The following KCP variants were observed in gnomAD, a reference collection of about 807,000 sequenced individuals.
KCP encodes kielin/chordin-like protein.
Under a neutral mutation model 212.7 loss-of-function variants are expected in KCP, and 194 were observed. The observed-to-expected ratio is 0.91, with a 90% CI of 0.81 to 1.03. The LOEUF (loss-of-function observed/expected upper bound fraction) is 1.03. Ranked by LOEUF, KCP falls within the 50% of genes least tolerant of loss-of-function variation. KCP has a pLI of 0.00. For missense variants in KCP, 2,080 were observed against 2,162.5 expected (o/e 0.96, Z 0.76); for synonymous variants, 833 against 865.3 (o/e 0.96, Z 0.65).
At chr7:128,907,205 A>G in intron 3 of KCP, 28 bp from the exon 4 acceptor site, 3 of 1,546,260 alleles carry the variant, frequency 1.9e-6, no homozygotes, top group Non-Finnish European at 2.6e-6. Flanking sequence ...TCACTCAAGC[A>G]CCCCATGCCA....
intron 7 of KCP, 178 bp from the exon 8 acceptor site, chr7:128,903,037 A>C: frequency 1.6e-6 from 1 of 615,134 alleles, no homozygotes; most frequent in South Asian, 1.9e-5. Context: ...AGGCAGGGTG[A>C]GGCCTCAGTT....
chr7:128,890,913 G>T lies in KCP; in HGVS notation c.2156C>A (p.Ser719Tyr). Residue 719 changes from serine (S) to tyrosine (Y), a missense_variant, in exon 20 of 40, where the codon TCC (serine) becomes TAC (tyrosine). Coordinates refer to ENST00000610776, the MANE Select transcript of KCP (RefSeq NM_001366122.1). Reference protein sequence around the residue: ...AHPRQGPCCPSCDGCLYQGKE... With the variant: ...AHPRQGPCCPYCDGCLYQGKE... The stretch of plus-strand genomic sequence containing the variant: ...CACCGCCAGGGCGTTACCGTCGCAG[G>T]AGGGGCAGCAAGGCCCCTGGCGCGG... 8.0e-7 allele frequency: 1 copy of T among 1,247,092 alleles called. No individual in the cohort carries two copies. The allele number at this position is 1,247,092 out of a possible 1,614,324, so 77.3% of individuals were successfully genotyped here.
At chr7:128,888,565 C>T (rs1455259714) in intron 22 of KCP, among the ~76,000 whole-genome samples, 1 of 151,724 alleles carries the variant, frequency 6.6e-6, no homozygotes, top group East Asian at 1.9e-4. Flanking sequence ...TACATACACA[C>T]ACATATACAC....
At chr7:128,880,346 C>T in intron 34 of KCP, 40 bp downstream of exon 34, 2 of 1,485,252 alleles carry the variant, frequency 1.3e-6, no homozygotes, top group Non-Finnish European at 1.8e-6. Context: ...CATGTGCCCC[C>T]ACCCTGACCC....
At chr7:128,907,602 A>G (rs1795192282) in intron 2 of KCP, 149 bp from the exon 3 acceptor site, 1 of 515,226 alleles carries the variant, frequency 1.9e-6, no homozygotes, top group Non-Finnish European at 3.2e-6. Flanking sequence ...CATCCAGCTC[A>G]AACGATCACC....
chr7:128,903,606 A>G (rs1434138203), intron 7 of KCP, 121 bp downstream of exon 7: 2 of 731,522 alleles, frequency 2.7e-6, no homozygotes, highest in Non-Finnish European at 4.5e-6. Flanking sequence ...ATTTGAGCTC[A>G]GGCATTCCAG....
At chr7:128,887,174 A>G (rs1273082061) in intron 23 of KCP, 41 bp downstream of exon 23, 11 of 1,509,878 alleles carry the variant, frequency 7.3e-6, no homozygotes, top group East Asian at 2.5e-5. Context: ...AGGAGTATCA[A>G]GGGAGGAAAG....
At position 128,887,253 on chromosome 7, in the gene KCP, C is replaced by A; in HGVS notation, c.2560G>T (p.Asp854Tyr). ...AGGGAGCAGGTAGGGTCAAGTGGGTCAGGAAGGGTCTCTCCGGAGGCAGTA... is the reference window on the plus strand; with the variant it reads ...AGGGAGCAGGTAGGGTCAAGTGGGTAAGGAAGGGTCTCTCCGGAGGCAGTA... ...VTTASGETLPDPLDPTCSLCT... is the reference protein window; with the variant it reads ...VTTASGETLPYPLDPTCSLCT... The change falls in exon 23 of 40, where the codon GAC becomes TAC. Residue 854 changes from aspartate to tyrosine, a missense_variant. Physicochemically the swap from Asp to Tyr is radical, Grantham distance 160. Transcript: ENST00000610776. The A allele has an allele frequency of 6.4e-7, 1 of 1,551,422 alleles. No individual in the cohort carries two copies. The highest frequency in any genetic ancestry group is 1.2e-5 in the South Asian group (1 of 84,062).
At chr7:128,905,305 T>C in intron 5 of KCP, among the ~76,000 whole-genome samples, 1 of 152,238 alleles carries the variant, frequency 6.6e-6, no homozygotes, top group Non-Finnish European at 1.5e-5. Flanking sequence ...ATGCCGTTTA[T>C]TGAAATTAAG....
chr7:128,892,277 G>A (rs925825274), intron 16 of KCP, among the ~76,000 whole-genome samples: 1 of 152,126 alleles, frequency 6.6e-6, no homozygotes, highest in South Asian at 2.1e-4. Context: ...GTAGTTACTA[G>A]AAGAGGAAAT....
chr7:128,887,917 A>C (rs1222321257), intron 22 of KCP, among the ~76,000 whole-genome samples: 2 of 150,262 alleles, frequency 1.3e-5, no homozygotes, highest in Non-Finnish European at 3.0e-5. Context: ...ATACACACCC[A>C]CACACACAGC....
intron 8 of KCP, among the ~76,000 whole-genome samples, chr7:128,895,310 G>A (rs927896419): frequency 2.0e-5 from 3 of 152,212 alleles, no homozygotes; most frequent in Non-Finnish European, 2.9e-5. Context: ...CTTGTTGTGG[G>A]ATGAAAGGAA....
In KCP at chr7:128,886,721, G is replaced by A. The variant is rs1217011519; in HGVS notation, c.2706C>T (p.Gly902=). The A allele has an allele frequency of 6.4e-7, 1 of 1,551,488 alleles. No individual in the cohort carries two copies. Among genetic ancestry groups the A allele is most frequent in the Non-Finnish European group, 8.7e-7 (1 of 1,146,916 alleles). ...CPVCHSCLSQ[G]REHQDGEEFE... is the part of the protein sequence containing the mutation. ...ACTCCTCCCCATCCTGGTGCTCCCGGCCCTGAGAGAGACAGCCTGTGGGGG... is the reference window on the plus strand; with the variant it reads ...ACTCCTCCCCATCCTGGTGCTCCCGACCCTGAGAGAGACAGCCTGTGGGGG... The change falls in exon 25 of 40, where the codon GGC becomes GGT. Residue 902 remains glycine, a synonymous_variant. Coordinates refer to ENST00000610776, the MANE Select transcript of KCP (RefSeq NM_001366122.1).
chr7:128,886,913 G>A lies in KCP; in HGVS notation c.2652C>T (p.His884=), dbSNP rs1793685208. The change falls in exon 24 of 40, where the codon CAC becomes CAT. Residue 884 remains histidine (H), a synonymous_variant. Transcript: ENST00000610776. Reference sequence around the variant, plus strand: ...GGCAGAAGCAGGGGCCTGGAGAGGGGTGGGGGCAGAGAGCTGGGGGACATG... The same window carrying A: ...GGCAGAAGCAGGGGCCTGGAGAGGGATGGGGGCAGAGAGCTGGGGGACATG... The part of the protein sequence containing the change: ...KKPCPPALCP[H]PSPGPCFCPV... The A allele has an allele frequency of 2.0e-6, 3 of 1,533,040 alleles. No individual in the cohort carries two copies. Among genetic ancestry groups the A allele is most frequent in the South Asian group, 1.2e-5 (1 of 82,506 alleles). 95.0% of individuals were successfully genotyped at this position (1,533,040 alleles called of 1,614,324 possible).
chr7:128,898,185 A>G (rs1033663671), intron 8 of KCP, among the ~76,000 whole-genome samples: 4 of 152,030 alleles, frequency 2.6e-5, no homozygotes, highest in African/African-American at 9.7e-5. Flanking sequence ...CTTCCTGAGT[A>G]GGTGGAAGTA....
intron 16 of KCP, 77 bp from the exon 17 acceptor site, chr7:128,891,896 C>A: frequency 9.2e-7 from 1 of 1,091,706 alleles, no homozygotes; most frequent in East Asian, 2.8e-5. Flanking sequence ...AGAGCCGCCA[C>A]ACAAGTGCCC....
chr7:128,910,052 A>G (rs1005016567), intron 1 of KCP, among the ~76,000 whole-genome samples: 3 of 152,148 alleles, frequency 2.0e-5, no homozygotes, highest in African/African-American at 7.2e-5. Context: ...CAGGCAGGAT[A>G]TGGGAGCCCG....
chr7:128,886,789 C>G (rs920240631), intron 24 of KCP, 52 bp from the exon 25 acceptor site: 9 of 1,519,172 alleles, frequency 5.9e-6, no homozygotes, highest in Non-Finnish European at 8.0e-6. Flanking sequence ...CTGCCCTGCT[C>G]GGCCCAGCCT....
intron 21 of KCP, 78 bp from the exon 22 acceptor site, chr7:128,889,117 G>A (rs1289364916): frequency 1.7e-6 from 2 of 1,201,274 alleles, no homozygotes; most frequent in Non-Finnish European, 2.2e-6. Context: ...CTCTGAGCTT[G>A]GGCCTGTTAT....
Sources: allele counts gnomAD v4.1 joint callset (sites outside exome capture counted in the v4.1 genomes callset), GRCh38; gene constraint gnomAD v4.1.1; transcripts MANE v1.5; gene names NCBI Gene and HGNC (gene_info 2026-07-23, HGNC 2026-07-21).